PLCB1: variants seen among roughly 807,000 people sequenced by gnomAD.
PLCB1 encodes 1-phosphatidylinositol 4,5-bisphosphate phosphodiesterase beta-1.
A neutral mutation model predicts 161.8 loss-of-function variants in PLCB1; 46 were observed. That is an observed-to-expected ratio of 0.28 (90% confidence interval 0.22 to 0.36). The LOEUF (loss-of-function observed/expected upper bound fraction) is 0.36. Ranked by LOEUF, PLCB1 falls within the 10% of genes least tolerant of loss-of-function variation. The probability of loss-of-function intolerance (pLI) is 1.00; values close to 1 mark genes in which losing one functional copy is unlikely to be tolerated. For synonymous variants in PLCB1, 517 were observed against 503.7 expected, an observed-to-expected ratio of 1.03 and a Z score of -0.35; for missense variants, 1,016 against 1,472.5, an observed-to-expected ratio of 0.69 and a Z score of 5.07.
rs144176666 is a variant in PLCB1, at chr20:8,433,363, G to C, written c.246+61913G>C. ...ATCTTGGGAAAAATTATTAATGAGGGGCCTGAGGGCTTAAGTTTGGGGAGA... is the reference window on the plus strand; with the variant it reads ...ATCTTGGGAAAAATTATTAATGAGGCGCCTGAGGGCTTAAGTTTGGGGAGA... On this transcript the variant is annotated intron_variant, in intron 3 of 31. Transcript: ENST00000338037. Among the ~76,000 whole-genome samples the C allele has an allele frequency of 3.8e-3, 582 of 152,116 alleles. 8 individuals are homozygous for C. Among genetic ancestry groups the C allele is most frequent in the African/African-American group, 0.014 (561 of 41,458 alleles).
chr20:8,730,769 A>G (rs1328792611), intron 18 of PLCB1, among the ~76,000 whole-genome samples: 2 of 151,766 alleles, frequency 1.3e-5, no homozygotes, highest in Non-Finnish European at 3.0e-5. Context: ...TTAAGTCCTC[A>G]GCAAAATCAC....
intron 2 of PLCB1, among the ~76,000 whole-genome samples, chr20:8,275,596 G>A (rs958786556): frequency 6.6e-6 from 1 of 152,152 alleles, no homozygotes; most frequent in African/African-American, 2.4e-5. Context: ...CAGAGTTACT[G>A]CATTAGGTCT....
At chr20:8,493,817 C>T (rs1452329642) in intron 3 of PLCB1, among the ~76,000 whole-genome samples, 9 of 106,356 alleles carry the variant, frequency 8.5e-5, no homozygotes, top group African/African-American at 2.3e-4. Context: ...CAGGTAGTAG[C>T]CCTTACCTTG....
chr20:8,606,704 T>C (rs928249643), intron 3 of PLCB1, among the ~76,000 whole-genome samples: 1 of 152,244 alleles, frequency 6.6e-6, no homozygotes, highest in African/African-American at 2.4e-5. Context: ...GATGGCTTCA[T>C]AAAATTAAAA....
At chr20:8,272,732 G>C (rs537718380) in intron 2 of PLCB1, among the ~76,000 whole-genome samples, 1 of 152,136 alleles carries the variant, frequency 6.6e-6, no homozygotes, top group Non-Finnish European at 1.5e-5. Flanking sequence ...GATATCAGAA[G>C]TGTAGTACCT....
intron 31 of PLCB1, among the ~76,000 whole-genome samples, chr20:8,790,879 T>C (rs931805384): frequency 6.6e-6 from 1 of 152,206 alleles, no homozygotes; most frequent in African/African-American, 2.4e-5. Flanking sequence ...CCAAATGGCA[T>C]CTCAGTTTTA....
chr20:8,483,629 T>C (rs1012024481), intron 3 of PLCB1, among the ~76,000 whole-genome samples: 2 of 152,188 alleles, frequency 1.3e-5, no homozygotes, highest in South Asian at 2.1e-4. Context: ...TCTAAACTTA[T>C]AGATAACTTC....
intron 31 of PLCB1, among the ~76,000 whole-genome samples, chr20:8,813,576 T>A (rs1263620528): frequency 1.3e-5 from 2 of 152,052 alleles, no homozygotes; most frequent in Non-Finnish European, 2.9e-5. Flanking sequence ...ACACCTATAA[T>A]CCCAGCACTT....
intron 2 of PLCB1, among the ~76,000 whole-genome samples, chr20:8,181,421 A>G (rs1352058647): frequency 2.0e-5 from 3 of 152,196 alleles, no homozygotes; most frequent in Admixed American, 1.3e-4. Flanking sequence ...TATTGTTGAA[A>G]TAAAAAAAGC....
chr20:8,840,391 C>T (rs979937310), intron 31 of PLCB1, among the ~76,000 whole-genome samples: 2 of 152,216 alleles, frequency 1.3e-5, no homozygotes, highest in East Asian at 1.9e-4. Context: ...GACTGTGTGA[C>T]ATGGGCCATA....
At chr20:8,750,881 T>C (rs368114080) in intron 23 of PLCB1, 102 of 1,360,566 alleles carry the variant, frequency 7.5e-5, no homozygotes, top group Non-Finnish European at 9.6e-5. Context: ...CTCTTACCCA[T>C]GTGGTGCCCA....
intron 4 of PLCB1, among the ~76,000 whole-genome samples, chr20:8,634,512 C>G (rs1988699022): frequency 6.6e-6 from 1 of 152,150 alleles, no homozygotes; most frequent in Non-Finnish European, 1.5e-5. Context: ...ACATCTCTTT[C>G]CTGCTCCCCA....
At chr20:8,506,748 T>C (rs533348889) in intron 3 of PLCB1, among the ~76,000 whole-genome samples, 39 of 152,344 alleles carry the variant, frequency 2.6e-4, no homozygotes, top group African/African-American at 8.7e-4. Flanking sequence ...TTTACCGCAG[T>C]TTATCTGATA....
At chr20:8,314,019 G>A (rs971830281) in intron 2 of PLCB1, among the ~76,000 whole-genome samples, 16 of 152,182 alleles carry the variant, frequency 1.1e-4, no homozygotes, top group Non-Finnish European at 1.9e-4. Flanking sequence ...TTATTGTATA[G>A]TAAGAGTTTA....
At chr20:8,530,105 G>T (rs916162188) in intron 3 of PLCB1, among the ~76,000 whole-genome samples, 1 of 152,098 alleles carries the variant, frequency 6.6e-6, no homozygotes, top group Non-Finnish European at 1.5e-5. Flanking sequence ...GACTAACAAA[G>T]TTGAGCATCT....
intron 31 of PLCB1, 30 bp from the exon 32 acceptor site, chr20:8,881,592 C>T (rs1987992281): frequency 6.4e-7 from 1 of 1,554,256 alleles, no homozygotes. Flanking sequence ...TAAACAACTT[C>T]AAGTCATCTC....
intron 31 of PLCB1, chr20:8,831,441 A>G (rs1474731841): frequency 6.6e-6 from 1 of 152,224 alleles, no homozygotes; most frequent in East Asian, 1.9e-4. Context: ...ATGTTTAAGA[A>G]AAATTTGCTT....
At chr20:8,468,254 AT>A (rs1278823265) in intron 3 of PLCB1, among the ~76,000 whole-genome samples, 16 of 152,292 alleles carry the variant, frequency 1.1e-4, no homozygotes, top group South Asian at 8.3e-4. Context: ...GTCTGTTTAC[AT>A]ATATAAATAT....
chr20:8,591,087 T>A (rs1182952456), intron 3 of PLCB1, among the ~76,000 whole-genome samples: 3 of 152,188 alleles, frequency 2.0e-5, no homozygotes, highest in Non-Finnish European at 1.5e-5. Context: ...GGTTTTCTGT[T>A]CCTGCGTTAG....
Sources: gnomAD v4.1 joint callset for allele counts (sites outside exome capture counted in the v4.1 genomes callset) on GRCh38, gnomAD v4.1.1 for gene constraint, MANE v1.5 for transcripts, NCBI Gene and HGNC (gene_info 2026-07-23, HGNC 2026-07-21) for gene names.